Variants in RAB7B observed in about 807,000 individuals in gnomAD.
RAB7B encodes the protein RAB7B, member RAS oncogene family, also known as ras-related protein Rab-7b.
intron 1 of RAB7B, 139 bp downstream of exon 1, chr1:206,003,114 G>A (rs1190388190): frequency 1.3e-5 from 2 of 152,184 alleles, no homozygotes; most frequent in Non-Finnish European, 2.9e-5. Flanking sequence ...TCTTAGGGCT[G>A]GATTTAAACT....
chr1:205,991,661 T>C (rs1660723513), intron 4 of RAB7B, among the ~76,000 whole-genome samples: 1 of 152,254 alleles, frequency 6.6e-6, no homozygotes, highest in South Asian at 2.1e-4. Context: ...TTTCCATTGC[T>C]TTTCTCTATT....
At chr1:205,992,443 A>G (rs980982469) in intron 4 of RAB7B, 37 bp downstream of exon 4, 2 of 398,674 alleles carry the variant, frequency 5.0e-6, no homozygotes, top group Non-Finnish European at 8.8e-6. Flanking sequence ...GGGTGCTCAT[A>G]TAATGTTTGT....
At chr1:205,994,821 C>T (rs1660783124) in intron 1 of RAB7B, among the ~76,000 whole-genome samples, 1 of 152,080 alleles carries the variant, frequency 6.6e-6, no homozygotes, top group Non-Finnish European at 1.5e-5. Context: ...TATAAACATC[C>T]AACACTAAAG....
intron 3 of RAB7B, among the ~76,000 whole-genome samples, chr1:205,992,925 AT>A (rs1396254310): frequency 6.6e-6 from 1 of 152,146 alleles, no homozygotes; most frequent in Non-Finnish European, 1.5e-5. Flanking sequence ...CTGAGCTCTC[AT>A]TTTTCCTCTG....
At chr1:206,002,306 G>A (rs1464382340) in intron 1 of RAB7B, among the ~76,000 whole-genome samples, 5 of 152,278 alleles carry the variant, frequency 3.3e-5, no homozygotes, top group East Asian at 1.9e-4. Flanking sequence ...GAGGCTTGGC[G>A]CTCTTGTTCT....
intron 4 of RAB7B, among the ~76,000 whole-genome samples, chr1:205,989,807 AC>A (rs1237314215): frequency 3.3e-5 from 5 of 152,038 alleles, no homozygotes; most frequent in African/African-American, 9.7e-5. Flanking sequence ...CTGGTACCCT[AC>A]GGAGACCCCA....
intron 4 of RAB7B, among the ~76,000 whole-genome samples, chr1:205,989,010 C>T (rs1660669843): frequency 6.6e-6 from 1 of 152,100 alleles, no homozygotes; most frequent in Non-Finnish European, 1.5e-5. Context: ...ATCCTCTCCA[C>T]GTCCTGTCCT....
At chr1:205,980,120 G>A (rs1660461361) in intron 5 of RAB7B, among the ~76,000 whole-genome samples, 2 of 152,176 alleles carry the variant, frequency 1.3e-5, no homozygotes, top group Non-Finnish European at 2.9e-5. Flanking sequence ...TACCCCGATG[G>A]CACAGAGCTT....
At chr1:205,997,737 G>T (rs1385348337) in intron 1 of RAB7B, among the ~76,000 whole-genome samples, 1 of 152,228 alleles carries the variant, frequency 6.6e-6, no homozygotes, top group African/African-American at 2.4e-5. Flanking sequence ...GGCTCTCGAA[G>T]TATTTGTTAT....
At chr1:205,991,975 T>C in intron 4 of RAB7B, among the ~76,000 whole-genome samples, 1 of 152,314 alleles carries the variant, frequency 6.6e-6, no homozygotes, top group Middle Eastern at 3.4e-3. Flanking sequence ...CAAAAATTAT[T>C]ACTTCCCCAG....
chr1:205,988,443 C>T (rs1290477133), intron 4 of RAB7B, among the ~76,000 whole-genome samples: 1 of 152,064 alleles, frequency 6.6e-6, no homozygotes, highest in African/African-American at 2.4e-5. Flanking sequence ...ACATGTTGCC[C>T]AGGATGGTCT....
At chr1:205,987,379 G>C (rs1276452306) in intron 4 of RAB7B, among the ~76,000 whole-genome samples, 1 of 152,080 alleles carries the variant, frequency 6.6e-6, no homozygotes, top group Non-Finnish European at 1.5e-5. Flanking sequence ...TGTTGCTTTT[G>C]GTCAACAATA....
chr1:205,986,109 T>A (rs1660599930), intron 4 of RAB7B, among the ~76,000 whole-genome samples: 1 of 152,190 alleles, frequency 6.6e-6, no homozygotes, highest in Admixed American at 6.5e-5. Flanking sequence ...GAGCTGCACA[T>A]GAGAGACACC....
chr1:205,987,683 C>T (rs979842482), intron 4 of RAB7B, among the ~76,000 whole-genome samples: 4 of 152,254 alleles, frequency 2.6e-5, no homozygotes, highest in African/African-American at 9.6e-5. Flanking sequence ...ATAATTCATG[C>T]CCCAGTGAAT....
At chr1:205,994,706 G>A (rs1451719948) in intron 1 of RAB7B, among the ~76,000 whole-genome samples, 1 of 152,178 alleles carries the variant, frequency 6.6e-6, no homozygotes, top group South Asian at 2.1e-4. Flanking sequence ...AGTGTTGAGA[G>A]CCTTAAAAAT....
intron 1 of RAB7B, among the ~76,000 whole-genome samples, chr1:206,001,660 A>G (rs1660894846): frequency 6.6e-6 from 1 of 152,128 alleles, no homozygotes; most frequent in Non-Finnish European, 1.5e-5. Context: ...GTCCACACAG[A>G]GCAGAACTTG....
chr1:205,992,679 C>T lies in RAB7B; in HGVS notation c.197G>A (p.Gly66Asp). 2.5e-6 allele frequency: 1 copy of T among 398,844 alleles called. No individual in the cohort carries two copies. The highest frequency in any genetic ancestry group is 4.4e-6 in the Non-Finnish European group (1 of 226,232). 24.7% of individuals were successfully genotyped at this position (398,844 alleles called of 1,614,324 possible). ...CACCATGGAGCGGAACCGCTCCTGACCGCCCGTGTCCCAGATCTGGAGGGG... is the reference window on the plus strand; with the variant it reads ...CACCATGGAGCGGAACCGCTCCTGATCGCCCGTGTCCCAGATCTGGAGGGG... ...TLKLQIWDTG[G>D]QERFRSMVST... The change falls in exon 4 of 6, where the codon GGT (glycine) becomes GAT (aspartate). Residue 66 changes from glycine (G) to aspartate (D), a missense_variant. Physicochemically the swap from Gly to Asp is moderately conservative, Grantham distance 94 (BLOSUM62 -1). Coordinates refer to ENST00000617070, the MANE Select transcript of RAB7B (RefSeq NM_001164522.3).
At position 205,978,644 on chromosome 1, in the gene RAB7B, C is replaced by T; in HGVS notation, c.*207G>A. On this transcript the variant is annotated 3_prime_UTR_variant, in exon 6 of 6. Transcript: ENST00000617070. ...ACATTCCGGGCTTCATCCAGACGCT[C>T]TCACTATACTCAGCCTGAGCCAGGG... 2.6e-6 allele frequency: 1 copy of T among 384,378 alleles called. No individual in the cohort carries two copies. The allele number at this position is 384,378 out of a possible 1,614,324, so 23.8% of individuals were successfully genotyped here.
chr1:206,001,040 T>G (rs977514209), intron 1 of RAB7B, among the ~76,000 whole-genome samples: 2 of 152,188 alleles, frequency 1.3e-5, no homozygotes, highest in African/African-American at 4.8e-5. Flanking sequence ...CTACTGCAGG[T>G]TCCCCTACCC....
Sources: allele counts gnomAD v4.1 joint callset (sites outside exome capture counted in the v4.1 genomes callset), GRCh38; gene constraint gnomAD v4.1.1; transcripts MANE v1.5; gene names NCBI Gene and HGNC (gene_info 2026-07-23, HGNC 2026-07-21).